Variants in NBEA observed in about 807,000 individuals in gnomAD.
The protein encoded by NBEA is lysosomal-trafficking regulator 2.
A neutral mutation model predicts 343.4 loss-of-function variants in NBEA; 44 were observed. That is an observed-to-expected ratio of 0.13 (90% CI 0.10 to 0.16). The LOEUF (loss-of-function observed/expected upper bound fraction) is 0.16, where lower values mean the gene tolerates loss of function less well. Among genes scored for constraint, NBEA ranks in the 10% least tolerant of loss-of-function variants. The pLI, the probability that NBEA is intolerant of heterozygous loss-of-function variation, is 1.00. For missense variants in NBEA, 2,555 were observed against 3,631.3 expected, an observed-to-expected ratio of 0.70 and a Z score of 7.62; for synonymous variants, 1,175 against 1,238.7, an observed-to-expected ratio of 0.95 and a Z score of 1.08.
intron 38 of NBEA, among the ~76,000 whole-genome samples, chr13:35,415,316 T>G (rs1325982228): frequency 6.6e-6 from 1 of 152,228 alleles, no homozygotes; most frequent in Non-Finnish European, 1.5e-5. Flanking sequence ...CCCATGCCTA[T>G]GTCCTGAATG....
In NBEA at chr13:35,143,653, T is replaced by C. The variant is rs535097345; in HGVS notation, c.2445+1276T>C. ...AATATCTCATCATTGTAGATTTCTTTATAAAAATGTTTTAAAAATAAAAAT... is the reference window on the plus strand; with the variant it reads ...AATATCTCATCATTGTAGATTTCTTCATAAAAATGTTTTAAAAATAAAAAT... On this transcript the variant is annotated intron_variant, in intron 18 of 58. Coordinates refer to ENST00000379939, the MANE Select transcript of NBEA (RefSeq NM_001385012.1). 7.2e-5 allele frequency among the ~76,000 whole-genome samples: 11 copies of C among 152,286 alleles called. No homozygotes were observed. In the South Asian group the frequency reaches 1.9e-3, roughly 26 times the overall value.
intron 32 of NBEA, 45 bp downstream of exon 32, chr13:35,208,899 T>A (rs1192056447): frequency 3.7e-6 from 5 of 1,338,926 alleles, no homozygotes; most frequent in Non-Finnish European, 4.0e-6. Context: ...TTTTATGTTT[T>A]CTGTATCATT....
chr13:35,431,100 A>G (rs1682017183), intron 38 of NBEA, among the ~76,000 whole-genome samples: 1 of 152,112 alleles, frequency 6.6e-6, no homozygotes, highest in Non-Finnish European at 1.5e-5. Context: ...GAAAAAATCC[A>G]TAGCTTTTTT....
At chr13:35,370,665 AAC>A (rs892516548) in intron 38 of NBEA, among the ~76,000 whole-genome samples, 2 of 151,974 alleles carry the variant, frequency 1.3e-5, no homozygotes, top group African/African-American at 4.8e-5. Flanking sequence ...CTATAGTGGT[AAC>A]ATTTGAGTTC....
At chr13:35,021,765 T>C (rs2152541763) in intron 1 of NBEA, among the ~76,000 whole-genome samples, 1 of 152,314 alleles carries the variant, frequency 6.6e-6, no homozygotes, top group East Asian at 1.9e-4. Flanking sequence ...TCTCCCGCCA[T>C]GTCCTTTGTG....
chr13:35,064,021 A>T (rs948200525), intron 8 of NBEA, among the ~76,000 whole-genome samples: 16 of 152,118 alleles, frequency 1.1e-4, no homozygotes, highest in African/African-American at 3.9e-4. Context: ...GGCAGAGAAG[A>T]TCAAATATTT....
chr13:35,539,942 A>AAAAAAAAAAAT (rs1566289232), intron 41 of NBEA, among the ~76,000 whole-genome samples: 57 of 147,796 alleles, frequency 3.9e-4, no homozygotes, highest in Non-Finnish European at 5.1e-4. Context: ...AAAAAAAAAA[A>AAAAAAAAAAAT]GTGCACTAGT....
At chr13:35,652,765 G>A (rs1487253882) in intron 53 of NBEA, among the ~76,000 whole-genome samples, 3 of 126,376 alleles carry the variant, frequency 2.4e-5, no homozygotes, top group Non-Finnish European at 4.8e-5. Context: ...CGCGATCTCG[G>A]CTCACTGCAA....
intron 1 of NBEA, among the ~76,000 whole-genome samples, chr13:35,021,822 A>G (rs1351698510): frequency 2.6e-5 from 4 of 152,158 alleles, no homozygotes; most frequent in Non-Finnish European, 4.4e-5. Flanking sequence ...TCTTAAGCCC[A>G]TAGTACATTG....
At chr13:35,108,303 A>G (rs1410966420) in intron 11 of NBEA, among the ~76,000 whole-genome samples, 4 of 152,040 alleles carry the variant, frequency 2.6e-5, no homozygotes, top group Non-Finnish European at 5.9e-5. Context: ...GTAGGAAGAT[A>G]AATTTTTTGA....
intron 39 of NBEA, among the ~76,000 whole-genome samples, chr13:35,448,459 T>G (rs1187818870): frequency 1.3e-5 from 2 of 152,150 alleles, no homozygotes; most frequent in Non-Finnish European, 2.9e-5. Flanking sequence ...GGCAAATCAC[T>G]GAGATTCTGA....
intron 40 of NBEA, 51 bp downstream of exon 40, chr13:35,452,286 A>G (rs1566154025): frequency 2.0e-5 from 28 of 1,384,274 alleles, no homozygotes; most frequent in Non-Finnish European, 2.6e-5. Context: ...ACACAAAGCT[A>G]CTGAATTCAA....
intron 34 of NBEA, among the ~76,000 whole-genome samples, chr13:35,255,502 CACTG>C (rs1357242739): frequency 2.0e-5 from 3 of 152,248 alleles, no homozygotes; most frequent in African/African-American, 7.2e-5. Flanking sequence ...CAACCAGGCA[CACTG>C]ACTGCTGCAG....
In NBEA at chr13:35,668,440, G is replaced by T. The variant is rs773084344; in HGVS notation, c.8734G>T (p.Ala2912Ser). Reference sequence around the variant, plus strand: ...CAATGGGGTAGTAGAGGTCTGGCAGGCCTGTGACTTCAAGCAACTGTACAT... The same window carrying T: ...CAATGGGGTAGTAGAGGTCTGGCAGTCCTGTGACTTCAAGCAACTGTACAT... ...GDNGVVEVWQ[A>S]CDFKQLYIYP... The change falls in exon 58 of 59, where the codon GCC (alanine) becomes TCC (serine). Residue 2912 changes from alanine (A) to serine (S), a missense_variant. Ala to Ser is a moderately conservative substitution (Grantham distance 99). This residue lies in a region of NBEA where 186 missense variants were observed against 328.9 expected (regional missense o/e 0.57). Transcript: ENST00000379939. 6.2e-7 allele frequency: 1 copy of T among 1,613,534 alleles called. No homozygotes were observed. The highest frequency in any genetic ancestry group is 8.5e-7 in the Non-Finnish European group (1 of 1,179,700).
chr13:35,474,153 G>A (rs1456490184), intron 41 of NBEA: 1 of 152,436 alleles, frequency 6.6e-6, no homozygotes, highest in African/African-American at 2.4e-5. Flanking sequence ...TTTTCAAAAT[G>A]CATCATTACA....
intron 18 of NBEA, among the ~76,000 whole-genome samples, chr13:35,142,661 G>A (rs550907501): frequency 2.1e-4 from 32 of 152,114 alleles, no homozygotes; most frequent in South Asian, 4.1e-4. Flanking sequence ...AACTACATCC[G>A]TTATGTAGTA....
chr13:35,484,589 A>G (rs1241673867), intron 41 of NBEA, among the ~76,000 whole-genome samples: 5 of 147,780 alleles, frequency 3.4e-5, no homozygotes, highest in Non-Finnish European at 1.5e-5. Context: ...ATGTGTTTAA[A>G]TAAAAAAAAA....
At position 35,233,994 on chromosome 13, in the gene NBEA, A is replaced by G. The variant is rs117196403; in HGVS notation, c.5776+1375A>G. 3.2e-3 allele frequency among the ~76,000 whole-genome samples: 481 copies of G among 152,296 alleles called. 1 individual carries two copies. Among genetic ancestry groups the G allele is most frequent in the Middle Eastern group, 0.01 (3 of 294 alleles). ...CTTAATAAGTGCCATACAGCTTATT[A>G]GATGAGGAGTGTTCTATGCAGAGAG... On this transcript the variant is annotated intron_variant, in intron 34 of 58. Coordinates refer to ENST00000379939, the MANE Select transcript of NBEA (RefSeq NM_001385012.1).
chr13:35,169,193 A>G (rs1810799151), intron 25 of NBEA, among the ~76,000 whole-genome samples, 198 bp downstream of exon 25: 3 of 151,616 alleles, frequency 2.0e-5, no homozygotes, highest in African/African-American at 4.8e-5. Context: ...ATTATGCACA[A>G]TAATCCCTAG....
Sources: allele counts gnomAD v4.1 joint callset (sites outside exome capture counted in the v4.1 genomes callset), GRCh38; gene constraint gnomAD v4.1.1; regional missense constraint gnomAD v4.1.1; transcripts MANE v1.5; gene names NCBI Gene and HGNC (gene_info 2026-07-23, HGNC 2026-07-21).